The following PPEF1 variants were observed in gnomAD, a reference collection of about 807,000 sequenced individuals.
The protein encoded by PPEF1 is serine/threonine-protein phosphatase with EF-hands 1.
A neutral mutation model predicts 53.3 loss-of-function variants in PPEF1; 12 were observed. The ratio of observed to expected loss-of-function variants is 0.23; its 90% confidence interval spans 0.14 to 0.36. PPEF1 has a LOEUF of 0.36. Ranked by LOEUF, PPEF1 falls within the 10% of genes least tolerant of loss-of-function variation. PPEF1 has a pLI of 1.00. For missense variants in PPEF1, 334 were observed against 490.4 expected (o/e 0.68, Z 3.01); for synonymous variants, 165 against 176.7 (o/e 0.93, Z 0.52).
chrX:18,675,325 C>A (rs941923013), upstream of PPEF1, among the ~76,000 whole-genome samples: 19 of 113,762 alleles, frequency 1.7e-4, no homozygotes. Flanking sequence ...CCGCGAGGGC[C>A]CCGCGCCTTC....
At chrX:18,788,038 C>T (rs1360806396) in intron 9 of PPEF1, among the ~76,000 whole-genome samples, 2 of 111,803 alleles carry the variant, frequency 1.8e-5, no homozygotes, top group African/African-American at 3.2e-5. Context: ...AGTGCTTGGC[C>T]GGGTGCAGTG....
intron 6 of PPEF1, among the ~76,000 whole-genome samples, chrX:18,701,979 C>T (rs776000593): frequency 5.4e-5 from 6 of 111,746 alleles, no homozygotes; most frequent in East Asian, 2.8e-4. Flanking sequence ...TCTCATGTGG[C>T]GAGACCCAGG....
At chrX:18,717,776 G>A (rs764735669) in intron 1 of PPEF1, among the ~76,000 whole-genome samples, 8 of 110,972 alleles carry the variant, frequency 7.2e-5, no homozygotes, top group Non-Finnish European at 1.3e-4. Context: ...TAAATGTTGG[G>A]GCTCCTCTGG....
Position 18,707,755 on chromosome X carries a change from G to A in PPEF1, c.-26G>A, listed in dbSNP as rs1339152567. On this transcript the variant is annotated 5_prime_UTR_variant, in exon 1 of 16. The change abolishes an upstream ATG in the 5' untranslated region. Transcript: ENST00000470157. ...TCTTAAAATCAGAAGTTGAATTCAT[G>A]AACACATATGATTTAGATAGAAGTC... The A allele has an allele frequency of 1.7e-6, 2 of 1,196,953 alleles. No homozygotes were observed. The highest frequency in any genetic ancestry group is 2.3e-6 in the Non-Finnish European group (2 of 883,238).
At chrX:18,687,247 C>T (rs978768906) in intron 3 of PPEF1, among the ~76,000 whole-genome samples, 2 of 110,941 alleles carry the variant, frequency 1.8e-5, no homozygotes, top group African/African-American at 6.5e-5. Flanking sequence ...GTTTTGTTGC[C>T]CGAACACTGC....
Position 18,698,884 on chromosome X carries a change from T to C in PPEF1, c.-226+953T>C, listed in dbSNP as rs1023346236. ...TAAAAGGGCAAATTACAGCACACTT[T>C]GAGCAGCTCTATAATTGGACGCACA... On this transcript the variant is annotated intron_variant, in intron 5 of 21. Transcript: ENST00000361511. Among the ~76,000 whole-genome samples, 3 of 112,031 alleles carry C rather than the reference T, an allele frequency of 2.7e-5. No individual in the cohort carries two copies. The East Asian group carries it at 8.5e-4, about 32-fold the overall frequency.
chrX:18,763,143 G>A (rs938227433), intron 6 of PPEF1, among the ~76,000 whole-genome samples: 4 of 111,658 alleles, frequency 3.6e-5, no homozygotes, highest in Non-Finnish European at 5.6e-5. Flanking sequence ...TCTGAGTCCT[G>A]AAGACCTTCC....
chrX:18,728,171 GTC>G (rs765536452), intron 1 of PPEF1, among the ~76,000 whole-genome samples: 12 of 106,394 alleles, frequency 1.1e-4, no homozygotes, highest in Admixed American at 6.1e-4. Context: ...CTCTCTCTCT[GTC>G]TCTCTCTCTC....
chrX:18,696,029 A>AT (rs1929695612), intron 4 of PPEF1, among the ~76,000 whole-genome samples: 1 of 111,883 alleles, frequency 8.9e-6, no homozygotes, highest in Non-Finnish European at 1.9e-5. Context: ...AGTTAATGTG[A>AT]TTTTTCAGTA....
intron 4 of PPEF1, among the ~76,000 whole-genome samples, chrX:18,755,395 C>T (rs770647763): frequency 9.0e-5 from 10 of 111,383 alleles, no homozygotes; most frequent in South Asian, 3.8e-4. Flanking sequence ...GGTGAAACCC[C>T]GTCTCTACTA....
At chrX:18,729,509 C>A (rs1435602902) in intron 1 of PPEF1, among the ~76,000 whole-genome samples, 4 of 112,014 alleles carry the variant, frequency 3.6e-5, no homozygotes, top group Non-Finnish European at 5.6e-5. Flanking sequence ...TTTTTAATAA[C>A]CATTCCAATG....
chrX:18,728,157 CTCTCTCTCTCTCTG>C (rs1402021208), intron 1 of PPEF1, among the ~76,000 whole-genome samples: 1 of 109,041 alleles, frequency 9.2e-6, no homozygotes, highest in Non-Finnish European at 1.9e-5. Context: ...GGATGAAAAC[CTCTCTCTCTCTCTG>C]TCTCTCTCTC....
chrX:18,690,138 A>G (rs1602341852), intron 3 of PPEF1, among the ~76,000 whole-genome samples: 1 of 111,716 alleles, frequency 9.0e-6, no homozygotes, highest in African/African-American at 3.3e-5. Flanking sequence ...CAGTTTTGCT[A>G]ACTGGTATAT....
chrX:18,770,005 G>T (rs1439763974), intron 6 of PPEF1, among the ~76,000 whole-genome samples: 4 of 111,597 alleles, frequency 3.6e-5, no homozygotes, highest in Non-Finnish European at 7.5e-5. Context: ...CCCCCTACAG[G>T]TCATCTGAGT....
At chrX:18,774,664 T>C (rs1332157732) in intron 6 of PPEF1, among the ~76,000 whole-genome samples, 1 of 112,526 alleles carries the variant, frequency 8.9e-6, no homozygotes, top group African/African-American at 3.2e-5. Flanking sequence ...TTGATCTCTT[T>C]ACACATCTGC....
upstream of PPEF1, among the ~76,000 whole-genome samples, chrX:18,681,647 A>G (rs1928887910): frequency 8.9e-6 from 1 of 112,143 alleles, no homozygotes; most frequent in African/African-American, 3.2e-5. Context: ...TGCATACAAC[A>G]GAATCCTCTT....
At chrX:18,776,948 CTTAGAA>C (rs1438509528) in intron 6 of PPEF1, among the ~76,000 whole-genome samples, 1 of 112,238 alleles carries the variant, frequency 8.9e-6, no homozygotes, top group Non-Finnish European at 1.9e-5. Context: ...ATATTGGAAT[CTTAGAA>C]TTAGAAATAA....
chrX:18,706,835 T>G (rs1223471482), upstream of PPEF1, among the ~76,000 whole-genome samples: 8 of 87,019 alleles, frequency 9.2e-5, no homozygotes, highest in Non-Finnish European at 1.6e-4. Context: ...TTTTTTTTTT[T>G]TTTTTTTTTT....
At chrX:18,823,865 G>T (rs1376908835) in intron 13 of PPEF1, 58 bp from the exon 14 acceptor site, 67 of 1,148,606 alleles carry the variant, frequency 5.8e-5, no homozygotes, top group Non-Finnish European at 5.8e-5. Flanking sequence ...CAAGGAGGTT[G>T]CATTCTTTAA....
Sources: allele counts gnomAD v4.1 joint callset (sites outside exome capture counted in the v4.1 genomes callset), GRCh38; gene constraint gnomAD v4.1.1; transcripts MANE v1.5; gene names NCBI Gene and HGNC (gene_info 2026-07-23, HGNC 2026-07-21).